Variants in NCKAP5 observed in about 807,000 individuals in gnomAD.
The protein encoded by NCKAP5 is nck-associated protein 5.
In NCKAP5, 92 loss-of-function variants were observed where a neutral mutation model predicts 167.0. The observed-to-expected ratio is 0.55, with a 90% CI of 0.47 to 0.66. The LOEUF (loss-of-function observed/expected upper bound fraction) is 0.66. NCKAP5 is among the 30% of genes least tolerant of loss of function. The probability of loss-of-function intolerance (pLI) is 0.00; values close to 1 mark genes in which losing one functional copy is unlikely to be tolerated. For missense variants in NCKAP5, 2,378 were observed against 2,315.0 expected, an observed-to-expected ratio of 1.03 and a Z score of -0.56; for synonymous variants, 891 against 877.4, an observed-to-expected ratio of 1.02 and a Z score of -0.27.
chr2:133,471,075 T>G (rs1679251995), intron 3 of NCKAP5, among the ~76,000 whole-genome samples: 1 of 152,256 alleles, frequency 6.6e-6, no homozygotes, highest in Non-Finnish European at 1.5e-5. Flanking sequence ...ATCATCATCA[T>G]CATCAATCAT....
intron 3 of NCKAP5, among the ~76,000 whole-genome samples, chr2:133,340,346 A>G (rs561451705): frequency 5.3e-5 from 8 of 152,246 alleles, no homozygotes; most frequent in African/African-American, 1.9e-4. Context: ...CAGAGAACTA[A>G]TCTCCCCTCA....
At chr2:133,160,915 A>T (rs2083769437) in intron 5 of NCKAP5, among the ~76,000 whole-genome samples, 1 of 152,106 alleles carries the variant, frequency 6.6e-6, no homozygotes, top group Admixed American at 6.5e-5. Flanking sequence ...CACTGAACTG[A>T]TATCCTCTGT....
chr2:132,710,943 T>C (rs143053795), intron 19 of NCKAP5, among the ~76,000 whole-genome samples: 1 of 152,360 alleles, frequency 6.6e-6, no homozygotes, highest in South Asian at 2.1e-4. Flanking sequence ...GTTTCGCTTA[T>C]GCTTTGTTCT....
intron 4 of NCKAP5, among the ~76,000 whole-genome samples, chr2:133,270,625 T>G (rs574756750): frequency 6.6e-6 from 1 of 152,338 alleles, no homozygotes; most frequent in South Asian, 2.1e-4. Context: ...CTGCTCCCTT[T>G]ACAAACCACC....
At chr2:133,140,902 G>T (rs1333231904) in intron 5 of NCKAP5, among the ~76,000 whole-genome samples, 2 of 151,612 alleles carry the variant, frequency 1.3e-5, no homozygotes, top group African/African-American at 4.8e-5. Flanking sequence ...TCTTCAAAGA[G>T]CACACTTTCC....
At chr2:132,968,115 G>C (rs1321636593) in intron 7 of NCKAP5, among the ~76,000 whole-genome samples, 1 of 152,136 alleles carries the variant, frequency 6.6e-6, no homozygotes, top group Non-Finnish European at 1.5e-5. Flanking sequence ...AATGAGATCA[G>C]AAAGAGAGCT....
intron 6 of NCKAP5, among the ~76,000 whole-genome samples, chr2:133,012,664 G>T (rs1384637081): frequency 6.6e-6 from 1 of 152,026 alleles, no homozygotes; most frequent in African/African-American, 2.4e-5. Context: ...TTGCCTCCAT[G>T]ACTGCCTTCT....
chr2:133,095,549 C>A (rs1359806270), intron 6 of NCKAP5, among the ~76,000 whole-genome samples: 2 of 152,202 alleles, frequency 1.3e-5, no homozygotes, highest in African/African-American at 2.4e-5. Flanking sequence ...AATGATGAGA[C>A]CCCGCATGGC....
rs1680511989 is a variant in NCKAP5 at position 133,303,044 on chromosome 2, G to T, written c.136C>A (p.Leu46Ile). 1 of 1,599,548 alleles carries T rather than the reference G, an allele frequency of 6.3e-7. No individual in the cohort carries two copies. Among genetic ancestry groups the T allele is most frequent in the Non-Finnish European group, 8.5e-7 (1 of 1,172,228 alleles). The change falls in exon 4 of 20, where the codon CTC becomes ATC. Residue 46 changes from leucine to isoleucine, a missense_variant. Transcript: ENST00000409261. ...AACATGAATTGAACTCACCTCCAGA[G>T]ACTCCTGTGTTGCTCCTCAAGCTGA... The part of the protein sequence containing the change: ...LTQLEEQHRS[L>I]WREKLAVARL...
chr2:133,451,336 G>A (rs1392857920), intron 3 of NCKAP5, among the ~76,000 whole-genome samples: 2 of 152,128 alleles, frequency 1.3e-5, no homozygotes, highest in Admixed American at 6.5e-5. Flanking sequence ...AATAATTGAT[G>A]GCCAAAGTTT....
intron 7 of NCKAP5, among the ~76,000 whole-genome samples, chr2:132,970,356 C>T (rs541965705): frequency 5.9e-5 from 9 of 152,010 alleles, no homozygotes; most frequent in Non-Finnish European, 1.0e-4. Flanking sequence ...TACGAACCTC[C>T]AAAAAGGAAA....
the NCKAP5 span, among the ~76,000 whole-genome samples, chr2:133,640,637 C>T: frequency 1.3e-5 from 2 of 152,112 alleles, no homozygotes; most frequent in African/African-American, 4.8e-5. Context: ...TCTAGACTAC[C>T]CAGGCAAAAA....
intron 6 of NCKAP5, among the ~76,000 whole-genome samples, chr2:133,114,910 T>C (rs2082024441): frequency 6.6e-6 from 1 of 152,188 alleles, no homozygotes; most frequent in South Asian, 2.1e-4. Flanking sequence ...CTCTCTCTGG[T>C]ATGTTAGCAC....
the NCKAP5 span, among the ~76,000 whole-genome samples, chr2:133,612,133 A>G: frequency 6.6e-6 from 1 of 152,208 alleles, no homozygotes; most frequent in East Asian, 1.9e-4. Flanking sequence ...GAAAACTTTA[A>G]TAGCTCCAAT....
At chr2:132,707,676 G>A (rs989110663) in intron 19 of NCKAP5, among the ~76,000 whole-genome samples, 1 of 152,208 alleles carries the variant, frequency 6.6e-6, no homozygotes, top group Admixed American at 6.5e-5. Context: ...CAAACACCCT[G>A]TCTTCATGTT....
At chr2:133,443,363 T>C (rs1388973544) in intron 3 of NCKAP5, among the ~76,000 whole-genome samples, 1 of 152,204 alleles carries the variant, frequency 6.6e-6, no homozygotes, top group Non-Finnish European at 1.5e-5. Context: ...AAAACAACTG[T>C]GCTCCTCCAG....
intron 5 of NCKAP5, among the ~76,000 whole-genome samples, chr2:133,138,730 A>C (rs991688164): frequency 2.0e-5 from 3 of 152,188 alleles, no homozygotes; most frequent in African/African-American, 7.2e-5. Flanking sequence ...GGATTCTCTC[A>C]TACCAGAAGA....
intron 16 of NCKAP5, among the ~76,000 whole-genome samples, chr2:132,746,873 T>G (rs983398114): frequency 1.3e-5 from 2 of 152,116 alleles, no homozygotes; most frequent in Non-Finnish European, 2.9e-5. Flanking sequence ...CCCCCAATAT[T>G]ATGTATTTTA....
At chr2:133,440,819 C>A (rs1690800169) in intron 3 of NCKAP5, among the ~76,000 whole-genome samples, 1 of 151,516 alleles carries the variant, frequency 6.6e-6, no homozygotes, top group South Asian at 2.1e-4. Flanking sequence ...ACATTTAAAC[C>A]CCAATTCTAA....
Sources: allele counts gnomAD v4.1 joint callset (sites outside exome capture counted in the v4.1 genomes callset), GRCh38; gene constraint gnomAD v4.1.1; transcripts MANE v1.5; gene names NCBI Gene and HGNC (gene_info 2026-07-23, HGNC 2026-07-21).